TP63: variants seen among roughly 807,000 people sequenced by gnomAD.
TP63 encodes tumor protein p63.
Under a neutral mutation model 82.8 loss-of-function variants are expected in TP63, and 17 were observed. The ratio of observed to expected loss-of-function variants is 0.21; its 90% CI spans 0.14 to 0.31. The LOEUF (loss-of-function observed/expected upper bound fraction) is 0.31, where lower values mean the gene tolerates loss of function less well. Among genes scored for constraint, TP63 ranks in the 10% least tolerant of loss-of-function variants. The pLI, the probability that TP63 is intolerant of heterozygous loss-of-function variation, is 1.00. For synonymous variants in TP63, 330 were observed against 321.7 expected (o/e 1.03, Z -0.28); for missense variants, 648 against 895.3 (o/e 0.72, Z 3.52).
At chr3:189,663,521 CT>C (rs397991949) in intron 1 of TP63, among the ~76,000 whole-genome samples, 555 of 84,510 alleles carry the variant, frequency 6.6e-3, no homozygotes, top group East Asian at 0.022. Flanking sequence ...TTCATTCATT[CT>C]TTTTTTTTTT....
chr3:189,682,513 T>C, intron 1 of TP63, among the ~76,000 whole-genome samples: 1 of 142,066 alleles, frequency 7.0e-6, no homozygotes, highest in Non-Finnish European at 1.5e-5. Context: ...AGCAGTTTCA[T>C]TCCTGGGACT....
At chr3:189,606,886 T>C in the TP63 span, among the ~76,000 whole-genome samples, 1 of 152,108 alleles carries the variant, frequency 6.6e-6, no homozygotes, top group African/African-American at 2.4e-5. Context: ...GGTGATTCAC[T>C]CTAATAAATG....
intron 1 of TP63, among the ~76,000 whole-genome samples, chr3:189,689,421 C>G (rs1051677569): frequency 3.3e-5 from 5 of 151,958 alleles, no homozygotes; most frequent in African/African-American, 1.2e-4. Context: ...CAGCCCAAAT[C>G]TACCTTCTTA....
chr3:189,761,616 C>T (rs1014945388), intron 3 of TP63, among the ~76,000 whole-genome samples: 1 of 152,142 alleles, frequency 6.6e-6, no homozygotes, highest in Non-Finnish European at 1.5e-5. Flanking sequence ...TCTTCTGAGC[C>T]CTCCAAACTG....
At chr3:189,599,644 T>C in the TP63 span, among the ~76,000 whole-genome samples, 1 of 152,190 alleles carries the variant, frequency 6.6e-6, no homozygotes, top group Non-Finnish European at 1.5e-5. Flanking sequence ...TGAGCAGTTG[T>C]CAGATTTGAA....
intron 4 of TP63, among the ~76,000 whole-genome samples, chr3:189,817,730 A>G (rs940527455): frequency 6.6e-6 from 1 of 152,094 alleles, no homozygotes; most frequent in African/African-American, 2.4e-5. Context: ...TGAAAAAATT[A>G]CACATAATTT....
chr3:189,729,742 GA>G (rs1047476234), intron 1 of TP63, among the ~76,000 whole-genome samples: 4 of 150,934 alleles, frequency 2.7e-5, no homozygotes, highest in South Asian at 4.2e-4. Flanking sequence ...TCCATCTAAG[GA>G]AAAAAAAAGA....
At position 189,789,395 on chromosome 3, in the gene TP63, T is replaced by C. The variant is rs13083781; in HGVS notation, c.325-18877T>C. Among the ~76,000 whole-genome samples the C allele has an allele frequency of 4.1e-3, 626 of 152,116 alleles. 2 individuals carry two copies. Among genetic ancestry groups the C allele is most frequent in the Middle Eastern group, 6.8e-3 (2 of 294 alleles). On this transcript the variant is annotated intron_variant, in intron 3 of 13. Transcript: ENST00000264731. ...TTTGTTTGGGGAGATTTGTTTTGTT[T>C]TTAAAAGACAGTGCACTTTCTTATG...
intron 13 of TP63, among the ~76,000 whole-genome samples, chr3:189,891,517 A>G (rs1200157868): frequency 6.6e-6 from 1 of 152,190 alleles, no homozygotes; most frequent in African/African-American, 2.4e-5. Flanking sequence ...GGCATTATCA[A>G]TGGCTATGGG....
At chr3:189,849,426 C>T (rs1190002755) in intron 4 of TP63, among the ~76,000 whole-genome samples, 4 of 152,060 alleles carry the variant, frequency 2.6e-5, no homozygotes, top group Non-Finnish European at 5.9e-5. Flanking sequence ...GACAGTGTCA[C>T]AGTTGAATTG....
intron 3 of TP63, among the ~76,000 whole-genome samples, chr3:189,804,389 A>G (rs2108627533): frequency 6.6e-6 from 1 of 152,344 alleles, no homozygotes; most frequent in South Asian, 2.1e-4. Flanking sequence ...CCTATCTTAG[A>G]AAAGCACCAT....
intron 1 of TP63, among the ~76,000 whole-genome samples, chr3:189,698,181 A>G (rs1717534877): frequency 6.6e-6 from 1 of 152,032 alleles, no homozygotes; most frequent in Admixed American, 6.6e-5. Flanking sequence ...TAGGTGTTCT[A>G]TGTCAAGTTG....
At chr3:189,652,266 A>G (rs1179675224) in intron 1 of TP63, among the ~76,000 whole-genome samples, 3 of 146,960 alleles carry the variant, frequency 2.0e-5, no homozygotes, top group Non-Finnish European at 3.0e-5. Flanking sequence ...GTCCAAATCC[A>G]TGGGAGCCCA....
In TP63 at chr3:189,894,615, T is replaced by A; in HGVS notation, c.*113T>A. Reference sequence around the variant, plus strand: ...GCTCCTCCCCTTCCTCTTGTCTGATTTCTTAGGGGAAGGAGAAGTAAGAGG... The same window carrying A: ...GCTCCTCCCCTTCCTCTTGTCTGATATCTTAGGGGAAGGAGAAGTAAGAGG... On this transcript the variant is annotated 3_prime_UTR_variant, in exon 14 of 14. Transcript: ENST00000264731. 7.6e-7 allele frequency: 1 copy of A among 1,318,782 alleles called. No homozygotes were observed. The highest frequency in any genetic ancestry group is 2.5e-5 in the East Asian group (1 of 39,848). 81.7% of individuals were successfully genotyped at this position (1,318,782 alleles called of 1,614,324 possible). A position where few individuals can be genotyped will look rare whatever the true frequency, so the allele number is the denominator to read the frequency against.
intron 3 of TP63, among the ~76,000 whole-genome samples, chr3:189,765,226 A>G (rs1327344532): frequency 1.9e-5 from 2 of 105,288 alleles, no homozygotes; most frequent in African/African-American, 7.1e-5. Flanking sequence ...TTGATAGAAA[A>G]CTAAGGAGAA....
chr3:189,867,823 T>C lies in TP63; in HGVS notation c.883-10T>C. The C allele has an allele frequency of 1.2e-6, 2 of 1,612,616 alleles. No individual in the cohort carries two copies. The highest frequency in any genetic ancestry group is 1.7e-6 in the Non-Finnish European group (2 of 1,178,732). ...CTTGTTAACACAGATTATTTACCCC[T>C]TGTTTTCAGGTTGGCACTGAATTCA... is the stretch of plus-strand genomic sequence containing the variant. On this transcript the variant is annotated splice_polypyrimidine_tract_variant and intron_variant, in intron 6 of 13. Transcript: ENST00000264731.
At chr3:189,812,283 A>G (rs1727654104) in intron 4 of TP63, among the ~76,000 whole-genome samples, 1 of 152,230 alleles carries the variant, frequency 6.6e-6, no homozygotes, top group African/African-American at 2.4e-5. Context: ...TTCCAGTTCT[A>G]CAAAAATATG....
chr3:189,640,872 A>G (rs1711796279), intron 1 of TP63, among the ~76,000 whole-genome samples: 2 of 152,190 alleles, frequency 1.3e-5, no homozygotes, highest in African/African-American at 4.8e-5. Flanking sequence ...GCTTTGCAAA[A>G]GTAAAATTGG....
the TP63 span, among the ~76,000 whole-genome samples, chr3:189,611,620 G>C: frequency 5.9e-5 from 9 of 152,250 alleles, no homozygotes; most frequent in South Asian, 1.9e-3. Flanking sequence ...AGCTATTTGG[G>C]CTCTTGTTTG....
Sources: gnomAD v4.1 joint callset for allele counts (sites outside exome capture counted in the v4.1 genomes callset) on GRCh38, gnomAD v4.1.1 for gene constraint, MANE v1.5 for transcripts, NCBI Gene and HGNC (gene_info 2026-07-23, HGNC 2026-07-21) for gene names.